TTC28: variants seen among roughly 807,000 people sequenced by gnomAD.
TTC28 encodes the protein tetratricopeptide repeat domain 28.
TTC28 carries 61 observed loss-of-function variants against 198.0 expected under a neutral mutation model. That is an observed-to-expected ratio of 0.31 (90% CI 0.25 to 0.38). The LOEUF (loss-of-function observed/expected upper bound fraction) is 0.38, where lower values mean the gene tolerates loss of function less well. TTC28 is among the 10% of genes least tolerant of loss of function. TTC28 has a pLI of 1.00. For synonymous variants in TTC28, 1,171 were observed against 1,297.8 expected (o/e 0.90, Z 2.10); for missense variants, 2,678 against 3,164.0 (o/e 0.85, Z 3.69).
intron 2 of TTC28, among the ~76,000 whole-genome samples, chr22:28,523,562 T>C (rs997159680): frequency 6.6e-6 from 1 of 152,140 alleles, no homozygotes; most frequent in Non-Finnish European, 1.5e-5. Flanking sequence ...AAAACCAGTA[T>C]CTGAGAGCGT....
At chr22:28,481,575 T>C (rs2048247280) in intron 2 of TTC28, among the ~76,000 whole-genome samples, 2 of 152,188 alleles carry the variant, frequency 1.3e-5, no homozygotes, top group Non-Finnish European at 2.9e-5. Context: ...AGTCTTCATA[T>C]GACAATCATT....
At chr22:28,545,182 G>A (rs1004395828) in intron 2 of TTC28, among the ~76,000 whole-genome samples, 60 of 152,102 alleles carry the variant, frequency 3.9e-4, no homozygotes, top group African/African-American at 1.3e-3. Flanking sequence ...AACAAGGCAA[G>A]TATATAAATT....
intron 6 of TTC28, among the ~76,000 whole-genome samples, chr22:28,123,506 C>T (rs1157840706): frequency 6.6e-6 from 1 of 152,188 alleles, no homozygotes; most frequent in Non-Finnish European, 1.5e-5. Flanking sequence ...ATCTGCCCGC[C>T]TCAGCCTCCC....
rs56945886 is a variant in TTC28 at position 28,472,004 on chromosome 22, ATGAT to A, written c.381+157544_381+157547del. On this transcript the variant is annotated intron_variant, in intron 2 of 22. Transcript: ENST00000397906. Reference sequence around the variant, plus strand: ...ATCTTCAACATTTAATAAATGATGTATGATTGATTGATAAATGAATGATACAATA... The same window carrying A: ...ATCTTCAACATTTAATAAATGATGTATGATTGATAAATGAATGATACAATA... Among the ~76,000 whole-genome samples, 1,036 of 152,262 alleles carry A rather than the reference ATGAT, an allele frequency of 6.8e-3. 12 individuals are homozygous for A. Among genetic ancestry groups the A allele is most frequent in the African/African-American group, 0.024 (993 of 41,552 alleles).
At chr22:28,220,401 G>A (rs1279985062) in intron 5 of TTC28, among the ~76,000 whole-genome samples, 1 of 152,212 alleles carries the variant, frequency 6.6e-6, no homozygotes, top group African/African-American at 2.4e-5. Flanking sequence ...CTGCAATCAT[G>A]GTGTCAGCTA....
chr22:28,312,379 A>C (rs1352544842), intron 2 of TTC28, among the ~76,000 whole-genome samples: 7 of 152,082 alleles, frequency 4.6e-5, no homozygotes, highest in Non-Finnish European at 8.8e-5. Context: ...CATCTACAGA[A>C]CTCTCCACCC....
chr22:27,987,881 A>G (rs760322865), intron 21 of TTC28, among the ~76,000 whole-genome samples: 5 of 151,940 alleles, frequency 3.3e-5, no homozygotes, highest in South Asian at 2.1e-4. Flanking sequence ...GAAATTTACT[A>G]TGTTTACACC....
rs138635 is a variant in TTC28, at chr22:27,981,230, A to ATTTTTTTTTTTTTT, written c.*977_*990dup. 6 of 48,218 alleles carry ATTTTTTTTTTTTTT rather than the reference A, an allele frequency of 1.2e-4. 1 individual carries two copies. The highest frequency in any genetic ancestry group is 2.6e-4 in the African/African-American group (4 of 15,520). The allele number at this position is 48,218 out of a possible 1,614,324, so 3.0% of individuals were successfully genotyped here. A position where few individuals can be genotyped will look rare whatever the true frequency, so the allele number is the denominator to read the frequency against. On this transcript the variant is annotated 3_prime_UTR_variant, in exon 23 of 23. Coordinates refer to ENST00000397906, the MANE Select transcript of TTC28 (RefSeq NM_001145418.2). ...TGGTTAAATCTAGTTAGCCATGGAA[A>ATTTTTTTTTTTTTT]TTTTTTTTTTTTTTTTTTTTTTTTT... is the stretch of plus-strand genomic sequence containing the variant.
chr22:28,306,732 C>T, intron 2 of TTC28, 89 bp from the exon 3 acceptor site: 2 of 1,382,584 alleles, frequency 1.4e-6, no homozygotes, highest in Non-Finnish European at 2.0e-6. Context: ...GTCAGCAGAA[C>T]TAAGATTGAG....
chr22:28,399,636 C>G (rs1291310867), intron 2 of TTC28, among the ~76,000 whole-genome samples: 1 of 152,104 alleles, frequency 6.6e-6, no homozygotes, highest in Non-Finnish European at 1.5e-5. Flanking sequence ...TAAAACATAA[C>G]TAGAAAAGTA....
intron 5 of TTC28, 78 bp from the exon 6 acceptor site, chr22:28,163,677 C>A (rs773955318): frequency 6.9e-7 from 1 of 1,442,134 alleles, no homozygotes; most frequent in Admixed American, 2.6e-5. Context: ...TAAAATTTTA[C>A]AGGTTGCAAG....
chr22:28,391,875 T>C (rs2046728256), intron 2 of TTC28, among the ~76,000 whole-genome samples: 1 of 152,224 alleles, frequency 6.6e-6, no homozygotes, highest in African/African-American at 2.4e-5. Context: ...CTTTGTTCCG[T>C]TGCTGGTGAG....
chr22:28,464,365 T>C (rs2047990574), intron 2 of TTC28, among the ~76,000 whole-genome samples: 3 of 152,220 alleles, frequency 2.0e-5, no homozygotes, highest in Admixed American at 2.0e-4. Flanking sequence ...AAACAGGGAC[T>C]TGGCAAAGCA....
In TTC28 at chr22:27,985,359, A is replaced by G. The variant is rs1311303715; in HGVS notation, c.5708-3T>C. 3 of 1,547,800 alleles carry G rather than the reference A, an allele frequency of 1.9e-6. No homozygotes were observed. The highest frequency in any genetic ancestry group is 2.6e-6 in the Non-Finnish European group (3 of 1,143,846). On this transcript the variant is annotated splice_region_variant and splice_polypyrimidine_tract_variant and intron_variant, in intron 21 of 22. Coordinates refer to ENST00000397906, the MANE Select transcript of TTC28 (RefSeq NM_001145418.2). Reference sequence around the variant, plus strand: ...ACCAACTTCACAGAGATCAAAACCTAGAGGAACAAAGAATATAAGCATCTG... The same window carrying G: ...ACCAACTTCACAGAGATCAAAACCTGGAGGAACAAAGAATATAAGCATCTG...
intron 12 of TTC28, among the ~76,000 whole-genome samples, chr22:28,061,536 G>A (rs1442634720): frequency 3.3e-5 from 5 of 152,112 alleles, no homozygotes; most frequent in South Asian, 2.1e-4. Flanking sequence ...GTGGATGTGT[G>A]GCGTTATACC....
intron 2 of TTC28, among the ~76,000 whole-genome samples, chr22:28,614,751 C>T (rs1161356616): frequency 6.6e-6 from 1 of 152,126 alleles, no homozygotes; most frequent in Non-Finnish European, 1.5e-5. Flanking sequence ...ATGCAAAAAA[C>T]CGAAACTGGA....
At chr22:28,393,932 T>A (rs1299744689) in intron 2 of TTC28, among the ~76,000 whole-genome samples, 1 of 152,030 alleles carries the variant, frequency 6.6e-6, no homozygotes, top group African/African-American at 2.4e-5. Flanking sequence ...TGAGATGAGG[T>A]CTTACTATGT....
At chr22:28,084,859 T>C (rs1003101313) in intron 12 of TTC28, among the ~76,000 whole-genome samples, 2 of 152,058 alleles carry the variant, frequency 1.3e-5, no homozygotes, top group African/African-American at 4.8e-5. Context: ...AACTACGTGA[T>C]GAATGCACAA....
intron 5 of TTC28, among the ~76,000 whole-genome samples, chr22:28,257,364 T>C (rs1931004074): frequency 6.6e-6 from 1 of 152,088 alleles, no homozygotes; most frequent in Non-Finnish European, 1.5e-5. Flanking sequence ...CATCCATCAA[T>C]GGATAATGAA....
Sources: allele counts gnomAD v4.1 joint callset (sites outside exome capture counted in the v4.1 genomes callset), GRCh38; gene constraint gnomAD v4.1.1; transcripts MANE v1.5; gene names NCBI Gene and HGNC (gene_info 2026-07-23, HGNC 2026-07-21).